The following LRR1 variants were observed in gnomAD, a reference collection of about 807,000 sequenced individuals.
LRR1 encodes the protein leucine rich repeat protein 1, also known as leucine-rich repeat protein 1.
LRR1 carries 29 observed loss-of-function variants against 31.6 expected under a neutral mutation model. The ratio of observed to expected loss-of-function variants is 0.92; its 90% CI spans 0.68 to 1.25. The LOEUF (loss-of-function observed/expected upper bound fraction) is 1.25, where lower values mean the gene tolerates loss of function less well. LRR1 is among the 50% of genes most tolerant of loss of function. The pLI, the probability that LRR1 is intolerant of heterozygous loss-of-function variation, is 0.00. For missense variants in LRR1, 485 were observed against 487.2 expected, an observed-to-expected ratio of 1.00 and a Z score of 0.04; for synonymous variants, 179 against 181.4, an observed-to-expected ratio of 0.99 and a Z score of 0.10.
intron 2 of LRR1, among the ~76,000 whole-genome samples, chr14:49,603,956 G>A (rs1882188644): frequency 6.6e-6 from 1 of 151,138 alleles, no homozygotes; most frequent in South Asian, 2.1e-4. Flanking sequence ...CGCCCAAAGT[G>A]CTGGGATTAT....
Position 49,607,809 on chromosome 14 carries a change from T to A in LRR1, c.692T>A (p.Leu231Ter), listed in dbSNP as rs1246825663. ...HSTLQKSLRS[L>*]DLSKNKIKAL... ...ACACTCCAGAAGTCACTTCGGAGTTTGGACCTCAGCAAGAACAAAATCAAG... is the reference window on the plus strand; with the variant it reads ...ACACTCCAGAAGTCACTTCGGAGTTAGGACCTCAGCAAGAACAAAATCAAG... Residue 231 changes from leucine (L) to a stop codon, truncating the protein, a stop_gained, in exon 3 of 4, where the codon TTG (leucine) becomes TAG (stop). Coordinates refer to ENST00000298288, the MANE Select transcript of LRR1 (RefSeq NM_152329.4). LOFTEE classifies it high-confidence loss of function. 1 of 1,614,190 alleles carries A rather than the reference T, an allele frequency of 6.2e-7. No individual in the cohort carries two copies. Among genetic ancestry groups the A allele is most frequent in the South Asian group, 1.1e-5 (1 of 91,088 alleles).
intron 1 of LRR1, 98 bp from the exon 2 acceptor site, chr14:49,602,272 C>A: frequency 9.6e-7 from 1 of 1,040,970 alleles, no homozygotes; most frequent in Non-Finnish European, 1.4e-6. Flanking sequence ...AAAGCCAAAC[C>A]AAAGCCTGGC....
chr14:49,611,465 G>C (rs1056553061), intron 3 of LRR1, among the ~76,000 whole-genome samples: 1 of 152,054 alleles, frequency 6.6e-6, no homozygotes, highest in Non-Finnish European at 1.5e-5. Flanking sequence ...TGCAGATTGA[G>C]ACTCCGTCTC....
At chr14:49,614,220 CAT>C (rs768917390) in intron 3 of LRR1, 34 bp from the exon 4 acceptor site, 15 of 1,581,180 alleles carry the variant, frequency 9.5e-6, no homozygotes, top group Non-Finnish European at 1.3e-5. Flanking sequence ...AATCTAGTAA[CAT>C]GTTATAAAAT....
intron 3 of LRR1, among the ~76,000 whole-genome samples, chr14:49,613,410 CAGG>C (rs545042953): frequency 2.7e-3 from 404 of 150,686 alleles, no homozygotes; most frequent in African/African-American, 9.4e-3. Context: ...GAGGCTGAGG[CAGG>C]AGAATAGCTT....
chr14:49,609,688 T>G (rs1882440586), intron 3 of LRR1, among the ~76,000 whole-genome samples: 1 of 151,830 alleles, frequency 6.6e-6, no homozygotes, highest in Non-Finnish European at 1.5e-5. Context: ...ATTACAGGTG[T>G]GAGCCACCGC....
chr14:49,609,108 G>A (rs1398716318), intron 3 of LRR1, among the ~76,000 whole-genome samples: 1 of 148,648 alleles, frequency 6.7e-6, no homozygotes, highest in Non-Finnish European at 1.5e-5. Context: ...TAGTAGAGAC[G>A]GGGTTTCACC....
At position 49,607,485 on chromosome 14, in the gene LRR1, T is replaced by C. The variant is rs1161699958; in HGVS notation, c.368T>C (p.Leu123Pro). Residue 123 changes from leucine to proline, a missense_variant, in exon 3 of 4, where the codon CTC becomes CCC. Around this residue, in one of 3 missense-constraint regions of LRR1, gnomAD observed 260 missense variants for 249.6 expected, o/e 1.04. Coordinates refer to ENST00000298288, the MANE Select transcript of LRR1 (RefSeq NM_152329.4). ...AATGTTGATACACCAGTTTCAACGC[T>C]CACACCAGTGAAGACTTCAGAATTT... ...GCNVDTPVST[L>P]TPVKTSEFEN... 6.2e-7 allele frequency: 1 copy of C among 1,614,044 alleles called. No homozygotes were observed. The highest frequency in any genetic ancestry group is 1.1e-5 in the South Asian group (1 of 91,074).
chr14:49,608,205 TTGCTTACAG>T (rs1566495799), intron 3 of LRR1, 84 bp downstream of exon 3: 5 of 1,349,596 alleles, frequency 3.7e-6, no homozygotes, highest in Non-Finnish European at 4.9e-6. Context: ...AAGTCTAACA[TTGCTTACAG>T]TGCTATGCAC....
At chr14:49,609,163 C>A (rs1274933313) in intron 3 of LRR1, among the ~76,000 whole-genome samples, 1 of 149,588 alleles carries the variant, frequency 6.7e-6, no homozygotes, top group Admixed American at 6.7e-5. Flanking sequence ...GTGATCCGCC[C>A]GTCTTGGCCT....
chr14:49,612,182 C>T (rs77809807), intron 3 of LRR1, among the ~76,000 whole-genome samples: 1,572 of 152,256 alleles, frequency 0.01, 40 homozygotes, highest in African/African-American at 0.035. Context: ...AATGATTTCG[C>T]GTTATAGCAT....
chr14:49,599,863 C>T (rs1455929897), intron 1 of LRR1: 17 of 430,704 alleles, frequency 3.9e-5, no homozygotes, highest in African/African-American at 3.6e-4. Context: ...CTGCTTGGGG[C>T]CGGGGGGGCG....
At chr14:49,609,548 G>A (rs1276162229) in intron 3 of LRR1, among the ~76,000 whole-genome samples, 1 of 151,564 alleles carries the variant, frequency 6.6e-6, no homozygotes. Flanking sequence ...GAAACTGCAG[G>A]CACCCGCCAC....
In LRR1 at chr14:49,607,618, C is replaced by G. The variant is rs1332636226; in HGVS notation, c.501C>G (p.Val167=). ...TTCAGACTTCTTACTGTGGGCTTGT[C>G]CGAGTTGATATGCGTATGCTTTGCT... ...EHLQTSYCGL[V]RVDMRMLCLK... Residue 167 remains valine, a synonymous_variant, in exon 3 of 4, where the codon GTC becomes GTG. Coordinates refer to ENST00000298288, the MANE Select transcript of LRR1 (RefSeq NM_152329.4). 6.2e-7 allele frequency: 1 copy of G among 1,614,068 alleles called. No homozygotes were observed. The highest frequency in any genetic ancestry group is 1.3e-5 in the African/African-American group (1 of 74,926).
intron 1 of LRR1, among the ~76,000 whole-genome samples, chr14:49,602,140 C>CTTT (rs71115383): frequency 6.6e-5 from 4 of 60,290 alleles, no homozygotes; most frequent in East Asian, 7.6e-4. Context: ...AAAAAAACAA[C>CTTT]TTTTTTTTTT....
At chr14:49,601,698 G>A in intron 1 of LRR1, 1 of 1,288,396 alleles carries the variant, frequency 7.8e-7, no homozygotes, top group Non-Finnish European at 1.0e-6. Flanking sequence ...TAGTTGGAAT[G>A]GGAGAAAAGG....
chr14:49,608,189 G>A, intron 3 of LRR1, 68 bp downstream of exon 3: 1 of 1,441,320 alleles, frequency 6.9e-7, no homozygotes, highest in Admixed American at 2.6e-5. Flanking sequence ...CAAACTCAGA[G>A]TAATAAAGTC....
At chr14:49,612,713 CTTGT>C (rs1368768778) in intron 3 of LRR1, 3 of 862,354 alleles carry the variant, frequency 3.5e-6, no homozygotes, top group Non-Finnish European at 2.9e-6. Flanking sequence ...TAAGACTAGG[CTTGT>C]TTATTTGTTG....
At chr14:49,599,916 G>A in intron 1 of LRR1, 2 of 1,156,428 alleles carry the variant, frequency 1.7e-6, no homozygotes, top group Non-Finnish European at 2.3e-6. Flanking sequence ...GGACCCTCCA[G>A]GCGGGCTGAG....
Sources: allele counts gnomAD v4.1 joint callset (sites outside exome capture counted in the v4.1 genomes callset), GRCh38; gene constraint gnomAD v4.1.1; regional missense constraint gnomAD v4.1.1; transcripts MANE v1.5; gene names NCBI Gene and HGNC (gene_info 2026-07-23, HGNC 2026-07-21).